Variants in NTM observed in about 807,000 individuals in gnomAD.
NTM encodes neurotrimin.
Under a neutral mutation model 42.1 loss-of-function variants are expected in NTM, and 13 were observed. That is an observed-to-expected ratio of 0.31 (90% confidence interval 0.20 to 0.49). NTM has a LOEUF of 0.49. Ranked by LOEUF, NTM falls within the 20% of genes least tolerant of loss-of-function variation. The pLI is 0.99. For missense variants in NTM, 373 were observed against 452.8 expected, an observed-to-expected ratio of 0.82 and a Z score of 1.60; for synonymous variants, 187 against 179.2, an observed-to-expected ratio of 1.04 and a Z score of -0.35.
intron 2 of NTM, among the ~76,000 whole-genome samples, chr11:131,945,758 T>A (rs1168806124): frequency 6.6e-6 from 1 of 152,198 alleles, no homozygotes; most frequent in East Asian, 1.9e-4. Flanking sequence ...GCACCTTTAC[T>A]GATATGCTCC....
At chr11:131,387,143 A>G (rs1485432374) in intron 1 of NTM, among the ~76,000 whole-genome samples, 7 of 152,222 alleles carry the variant, frequency 4.6e-5, no homozygotes, top group Admixed American at 3.3e-4. Context: ...CTTGGAAGAT[A>G]GTTTTCACAT....
chr11:131,938,939 G>A (rs2059511786), intron 2 of NTM, among the ~76,000 whole-genome samples: 1 of 152,098 alleles, frequency 6.6e-6, no homozygotes, highest in Non-Finnish European at 1.5e-5. Context: ...AAATGAGGGA[G>A]CAAGAGGACC....
intron 1 of NTM, among the ~76,000 whole-genome samples, chr11:131,426,410 G>A (rs573787050): frequency 1.5e-4 from 23 of 152,216 alleles, no homozygotes; most frequent in Non-Finnish European, 2.9e-4. Flanking sequence ...CACACCCGAG[G>A]AACCCTGCTT....
intron 2 of NTM, among the ~76,000 whole-genome samples, chr11:131,934,682 A>T (rs1433756992): frequency 6.6e-6 from 1 of 152,144 alleles, no homozygotes; most frequent in African/African-American, 2.4e-5. Context: ...TCTCTCTGAG[A>T]GGAAGTGACA....
chr11:132,012,536 T>C (rs2072442228), intron 2 of NTM, among the ~76,000 whole-genome samples: 1 of 152,168 alleles, frequency 6.6e-6, no homozygotes, highest in African/African-American at 2.4e-5. Context: ...ATAAGAAATT[T>C]CTAAACATGT....
At chr11:131,951,543 A>G (rs1170226533) in intron 2 of NTM, among the ~76,000 whole-genome samples, 1 of 152,078 alleles carries the variant, frequency 6.6e-6, no homozygotes, top group Admixed American at 6.6e-5. Flanking sequence ...GATTCTGGAG[A>G]TAGGGGGAAA....
intron 3 of NTM, among the ~76,000 whole-genome samples, chr11:132,200,738 T>G (rs1299953694): frequency 2.0e-5 from 3 of 151,918 alleles, no homozygotes; most frequent in Non-Finnish European, 4.4e-5. Flanking sequence ...GGCGACCACC[T>G]GGGGACAGGG....
intron 1 of NTM, among the ~76,000 whole-genome samples, chr11:131,646,234 G>A (rs1296044861): frequency 6.6e-6 from 1 of 152,196 alleles, no homozygotes; most frequent in Admixed American, 6.5e-5. Flanking sequence ...TATGGTCTGT[G>A]GTTGCTATCA....
intron 1 of NTM, among the ~76,000 whole-genome samples, chr11:131,455,881 G>A (rs1950843190): frequency 6.6e-6 from 1 of 152,220 alleles, no homozygotes; most frequent in African/African-American, 2.4e-5. Context: ...TGGGAAACAA[G>A]AATTGCGTTT....
chr11:131,613,296 C>A (rs1306891026), intron 1 of NTM, among the ~76,000 whole-genome samples: 1 of 152,112 alleles, frequency 6.6e-6, no homozygotes, highest in Non-Finnish European at 1.5e-5. Context: ...ACCAGGGACA[C>A]CCGCCTGACT....
intron 2 of NTM, among the ~76,000 whole-genome samples, chr11:132,021,467 G>A (rs1289458349): frequency 2.6e-5 from 4 of 151,892 alleles, no homozygotes; most frequent in Non-Finnish European, 4.4e-5. Context: ...TTAAGTGCAC[G>A]TTTTAGAAAA....
chr11:131,448,344 A>G (rs1950225152), intron 1 of NTM, among the ~76,000 whole-genome samples: 1 of 152,148 alleles, frequency 6.6e-6, no homozygotes, highest in Admixed American at 6.5e-5. Context: ...CCATGGACTC[A>G]TCCCCAGGGG....
chr11:131,775,984 G>A (rs1455122834), intron 1 of NTM, among the ~76,000 whole-genome samples: 1 of 152,154 alleles, frequency 6.6e-6, no homozygotes, highest in East Asian at 1.9e-4. Context: ...GCATCCACGG[G>A]CCAGGAAACT....
At position 131,643,574 on chromosome 11, in the gene NTM, T is replaced by C. The variant is rs372406705; in HGVS notation, c.83-267990T>C. The stretch of plus-strand genomic sequence containing the variant: ...CTCTCTCGTGTCGCACAGAAGCTTA[T>C]GGATACATTTATCCTGAGATTGCAG... On this transcript the variant is annotated intron_variant, in intron 1 of 8. Transcript: ENST00000683400. 1.1e-4 allele frequency among the ~76,000 whole-genome samples: 16 copies of C among 152,328 alleles called. 1 individual carries two copies. The East Asian group carries it at 1.5e-3, about 15-fold the overall frequency.
chr11:132,071,050 C>T (rs1192834887), intron 2 of NTM, among the ~76,000 whole-genome samples: 2 of 141,410 alleles, frequency 1.4e-5, no homozygotes, highest in Non-Finnish European at 1.6e-5. Context: ...CAAGTTAACA[C>T]GTCACACTGA....
intron 2 of NTM, among the ~76,000 whole-genome samples, chr11:132,062,052 C>T (rs1322998745): frequency 6.6e-6 from 1 of 152,088 alleles, no homozygotes; most frequent in Non-Finnish European, 1.5e-5. Flanking sequence ...AAATCAAACT[C>T]CGCTGTGTGA....
chr11:131,803,884 T>G (rs1351080812), intron 1 of NTM, among the ~76,000 whole-genome samples: 1 of 152,234 alleles, frequency 6.6e-6, no homozygotes, highest in Non-Finnish European at 1.5e-5. Flanking sequence ...ATACATTCTT[T>G]TCCTTGGTGT....
At chr11:132,255,923 C>T (rs760899755) in intron 4 of NTM, among the ~76,000 whole-genome samples, 2 of 152,132 alleles carry the variant, frequency 1.3e-5, no homozygotes. Flanking sequence ...CTCACAAATG[C>T]ATCTCACTCC....
intron 1 of NTM, among the ~76,000 whole-genome samples, chr11:131,577,365 GCTAT>G (rs1041627474): frequency 2.0e-5 from 3 of 152,060 alleles, no homozygotes; most frequent in Non-Finnish European, 2.9e-5. Context: ...CTGTCCTGAG[GCTAT>G]CTATCAACTC....
Sources: gnomAD v4.1 joint callset for allele counts (sites outside exome capture counted in the v4.1 genomes callset) on GRCh38, gnomAD v4.1.1 for gene constraint, MANE v1.5 for transcripts, NCBI Gene and HGNC (gene_info 2026-07-23, HGNC 2026-07-21) for gene names.